Variants in FAM156A observed in about 807,000 individuals in gnomAD.
FAM156A encodes family with sequence similarity 156 member A.
At chrX:52,984,154 T>C (rs1172888685) in intron 1 of FAM156A, among the ~76,000 whole-genome samples, 2 of 109,707 alleles carry the variant, frequency 1.8e-5, no homozygotes, top group Non-Finnish European at 3.8e-5. Flanking sequence ...AAAAAAAAAG[T>C]GTATGGGGCA....
chrX:52,977,018 A>G (rs190791847), intron 1 of FAM156A, among the ~76,000 whole-genome samples: 1,369 of 105,999 alleles, frequency 0.013, 13 homozygotes, highest in Non-Finnish European at 0.02. Context: ...CACTATACAT[A>G]TATATATATA....
intron 1 of FAM156A, among the ~76,000 whole-genome samples, chrX:52,987,561 T>C (rs917374559): frequency 2.8e-5 from 3 of 108,990 alleles, no homozygotes; most frequent in African/African-American, 1.0e-4. Context: ...AGGCTGAGGA[T>C]TGCTTGAGCC....
chrX:52,974,706 A>T (rs1929313294), intron 1 of FAM156A, among the ~76,000 whole-genome samples: 1 of 111,096 alleles, frequency 9.0e-6, no homozygotes, highest in African/African-American at 3.3e-5. Flanking sequence ...GGGTGAGGTC[A>T]GGAGGAGAAT....
intron 1 of FAM156A, among the ~76,000 whole-genome samples, chrX:52,986,685 A>C (rs1021221536): frequency 9.0e-6 from 1 of 111,339 alleles, no homozygotes; most frequent in Non-Finnish European, 1.9e-5. Flanking sequence ...ACAGCAAACC[A>C]GAATTAGAAG....
At chrX:52,974,401 T>G (rs1929286386) in intron 1 of FAM156A, among the ~76,000 whole-genome samples, 1 of 111,926 alleles carries the variant, frequency 8.9e-6, no homozygotes, top group African/African-American at 3.2e-5. Context: ...GGATGTGTCT[T>G]TTTTTATTGT....
chrX:52,974,485 T>A (rs1929294380), intron 1 of FAM156A, among the ~76,000 whole-genome samples: 1 of 111,798 alleles, frequency 8.9e-6, no homozygotes, highest in African/African-American at 3.3e-5. Flanking sequence ...AAATTAAGTT[T>A]TTTTTTGAGA....
At chrX:52,975,587 C>T (rs1718275573) in intron 1 of FAM156A, among the ~76,000 whole-genome samples, 3 of 112,134 alleles carry the variant, frequency 2.7e-5, no homozygotes, top group South Asian at 7.4e-4. Context: ...CTATATGTGC[C>T]TCTCGCTTTG....
chrX:52,993,408 CTTTTTTT>C (rs147840894), intron 1 of FAM156A, among the ~76,000 whole-genome samples: 9 of 42,592 alleles, frequency 2.1e-4, no homozygotes, highest in South Asian at 1.7e-3. Flanking sequence ...TCTTAACTTT[CTTTTTTT>C]TTTTTTTTTT....
At chrX:52,990,457 G>C (rs782322793) in intron 1 of FAM156A, among the ~76,000 whole-genome samples, 51 of 111,453 alleles carry the variant, frequency 4.6e-4, no homozygotes, top group African/African-American at 1.7e-3. Context: ...TGAGGGCTGA[G>C]GACAGAATGA....
chrX:52,991,168 CT>C (rs1930739655), intron 1 of FAM156A, among the ~76,000 whole-genome samples: 1 of 111,392 alleles, frequency 9.0e-6, no homozygotes, highest in Admixed American at 9.5e-5. Flanking sequence ...GCTCATGTGA[CT>C]GTGGGGGCTG....
chrX:52,987,605 G>A (rs1930381617), intron 1 of FAM156A, among the ~76,000 whole-genome samples: 1 of 108,434 alleles, frequency 9.2e-6, no homozygotes, highest in African/African-American at 3.4e-5. Context: ...CCGTGATTGT[G>A]GCACTGCACT....
At chrX:52,984,133 A>G (rs1449902996) in intron 1 of FAM156A, among the ~76,000 whole-genome samples, 2 of 111,542 alleles carry the variant, frequency 1.8e-5, no homozygotes, top group Non-Finnish European at 3.8e-5. Context: ...GTATACGGCA[A>G]TATCAGCACA....
At chrX:52,973,966 T>A (rs1556791456) in intron 1 of FAM156A, among the ~76,000 whole-genome samples, 1 of 110,720 alleles carries the variant, frequency 9.0e-6, no homozygotes, top group Non-Finnish European at 1.9e-5. Context: ...GCCCGGCTGA[T>A]TTTTTAAAAA....
chrX:52,977,055 CACAT>C (rs2146597052), intron 1 of FAM156A, among the ~76,000 whole-genome samples: 1 of 104,715 alleles, frequency 9.5e-6, no homozygotes, highest in Admixed American at 1.1e-4. Flanking sequence ...TATATACACA[CACAT>C]ATATACATAT....
intron 1 of FAM156A, among the ~76,000 whole-genome samples, chrX:52,987,659 A>T: frequency 9.0e-6 from 1 of 110,809 alleles, no homozygotes; most frequent in Non-Finnish European, 1.9e-5. Context: ...AAAAAAAAAA[A>T]AAAAATCTAT....
intron 1 of FAM156A, among the ~76,000 whole-genome samples, chrX:52,990,716 G>A (rs1184409516): frequency 9.2e-6 from 1 of 109,078 alleles, no homozygotes; most frequent in Non-Finnish European, 1.9e-5. Flanking sequence ...CCTGGGAGGT[G>A]CAGGTTGCAG....
intron 1 of FAM156A, among the ~76,000 whole-genome samples, chrX:52,985,799 G>T (rs781800644): frequency 6.5e-4 from 72 of 110,842 alleles, no homozygotes; most frequent in African/African-American, 2.3e-3. Context: ...TCATTGGCCA[G>T]CTGTGGTGGC....
chrX:52,975,051 T>TAC (rs61081750), intron 1 of FAM156A, among the ~76,000 whole-genome samples: 35,433 of 83,192 alleles, frequency 0.43, 6,919 homozygotes, highest in East Asian at 0.79. Flanking sequence ...GTTAAACACA[T>TAC]ACACACACAC....
chrX:52,988,108 G>T (rs1300944366), intron 1 of FAM156A, among the ~76,000 whole-genome samples: 1 of 109,810 alleles, frequency 9.1e-6, no homozygotes, highest in Non-Finnish European at 1.9e-5. Context: ...AGGCATGGTG[G>T]TGCGTGCCTG....
Sources: allele counts gnomAD v4.1 joint callset (sites outside exome capture counted in the v4.1 genomes callset), GRCh38; gene constraint gnomAD v4.1.1; transcripts MANE v1.5; gene names NCBI Gene and HGNC (gene_info 2026-07-23, HGNC 2026-07-21).